AP3B2: variants seen among roughly 807,000 people sequenced by gnomAD.
The protein encoded by AP3B2 is AP-3 complex subunit beta-2.
Under a neutral mutation model 126.9 loss-of-function variants are expected in AP3B2, and 50 were observed. The observed-to-expected ratio is 0.39, with a 90% CI of 0.31 to 0.50. AP3B2 has a LOEUF of 0.50. Ranked by LOEUF, AP3B2 falls within the 20% of genes least tolerant of loss-of-function variation. The pLI is 0.79. For missense variants in AP3B2, 1,177 were observed against 1,426.4 expected (o/e 0.83, Z 2.82); for synonymous variants, 541 against 565.0 (o/e 0.96, Z 0.60).
In AP3B2 at chr15:82,688,245, T is replaced by C. The variant is rs1273527762; in HGVS notation, c.360+491A>G. The stretch of plus-strand genomic sequence containing the variant: ...TGTCTTAGACTAACCAGAAAAGCCC[T>C]TAGGGGGGAGACTTATACATGCACC... On this transcript the variant is annotated intron_variant, in intron 4 of 26. Coordinates refer to ENST00000535359, the MANE Select transcript of AP3B2 (RefSeq NM_001278512.2). 16 of 588,924 alleles carry C rather than the reference T, an allele frequency of 2.7e-5. No individual in the cohort carries two copies. In the East Asian group the frequency reaches 4.4e-4, roughly 16 times the overall value. The allele number at this position is 588,924 out of a possible 1,614,324, so 36.5% of individuals were successfully genotyped here.
Position 82,659,708 on chromosome 15 carries a change from A to G in AP3B2, c.3158T>C (p.Phe1053Ser), listed in dbSNP as rs776670297. 2 of 1,613,830 alleles carry G rather than the reference A, an allele frequency of 1.2e-6. No homozygotes were observed. Among genetic ancestry groups the G allele is most frequent in the Non-Finnish European group, 1.7e-6 (2 of 1,179,812 alleles). ...TCCACCAGTCAGTGTCCTCCCTGCA[A>G]ACCTGAGGTGGGAATAGAAGGGGTG... ...VPCGTSDEYR[F>S]AGRTLTGGSL... The change falls in exon 27 of 27, where the codon TTT becomes TCT. Residue 1053 changes from phenylalanine (F) to serine (S), a missense_variant and splice_region_variant. Transcript: ENST00000535359.
chr15:82,697,570 G>A (rs1025047125), intron 1 of AP3B2, among the ~76,000 whole-genome samples: 2 of 152,210 alleles, frequency 1.3e-5, no homozygotes, highest in Admixed American at 6.5e-5. Context: ...GCAGAAATGC[G>A]TGAGTACCTG....
intron 1 of AP3B2, chr15:82,691,708 T>A: frequency 4.7e-6 from 7 of 1,485,640 alleles, no homozygotes; most frequent in East Asian, 2.5e-5. Context: ...AAAGAAAAAA[T>A]TCCCATCACC....
At chr15:82,679,821 A>C (rs946005567) in intron 9 of AP3B2, 21 bp from the exon 10 acceptor site, 1 of 1,611,472 alleles carries the variant, frequency 6.2e-7, no homozygotes, top group Admixed American at 1.7e-5. Flanking sequence ...AGAGGCAGCT[A>C]GGGAGCTCCA....
At chr15:82,700,467 C>T (rs1013094825) in intron 1 of AP3B2, among the ~76,000 whole-genome samples, 1 of 133,360 alleles carries the variant, frequency 7.5e-6, no homozygotes, top group Non-Finnish European at 1.5e-5. Context: ...GGCGTGATCT[C>T]GGCTCACTGC....
chr15:82,680,000 G>A (rs1470592036), intron 9 of AP3B2, among the ~76,000 whole-genome samples, 175 bp downstream of exon 9: 2 of 152,036 alleles, frequency 1.3e-5, no homozygotes, highest in Non-Finnish European at 2.9e-5. Flanking sequence ...GGCCCCTCAG[G>A]ATCCAGGCCC....
chr15:82,692,858 G>A (rs1027320941), intron 1 of AP3B2: 1 of 151,684 alleles, frequency 6.6e-6, no homozygotes, highest in Non-Finnish European at 1.5e-5. Context: ...GGGTAATGCT[G>A]AGCCAATACA....
intron 1 of AP3B2, among the ~76,000 whole-genome samples, chr15:82,697,185 T>G (rs562528916): frequency 6.6e-6 from 1 of 152,078 alleles, no homozygotes; most frequent in Non-Finnish European, 1.5e-5. Flanking sequence ...TTAAAAAAAA[T>G]TAGCCGGGTG....
chr15:82,683,304 A>G (rs8040293), intron 4 of AP3B2, among the ~76,000 whole-genome samples: 83,680 of 151,592 alleles, frequency 0.55, 23,534 homozygotes, highest in Non-Finnish European at 0.62. Flanking sequence ...TGATCCACCC[A>G]CCTCGGCCAC....
Position 82,664,089 on chromosome 15 carries a change from G to C in AP3B2, c.2262-114C>G, listed in dbSNP as rs937328381. 1.1e-5 allele frequency: 16 copies of C among 1,451,206 alleles called. No homozygotes were observed. In the East Asian group the frequency reaches 2.0e-4, roughly 18 times the overall value. 89.9% of individuals were successfully genotyped at this position (1,451,206 alleles called of 1,614,324 possible). ...TGGTGTGGGGAGCCTGAGCCAGGAGGGTTCACACCTGAGGTCCTATAGCAG... is the reference window on the plus strand; with the variant it reads ...TGGTGTGGGGAGCCTGAGCCAGGAGCGTTCACACCTGAGGTCCTATAGCAG... On this transcript the variant is annotated intron_variant, in intron 19 of 26. Coordinates refer to ENST00000535359, the MANE Select transcript of AP3B2 (RefSeq NM_001278512.2). This position sits in a 1 kb window ranked among gnomAD's most constrained non-coding sequence, Gnocchi z 4.5.
At chr15:82,661,984 C>G in intron 24 of AP3B2, 62 bp from the exon 25 acceptor site, 1 of 1,494,538 alleles carries the variant, frequency 6.7e-7, no homozygotes, top group South Asian at 1.2e-5. Flanking sequence ...TCACTTCCCA[C>G]CCTGTGTAGA....
chr15:82,682,296 G>A (rs757451471), intron 4 of AP3B2, among the ~76,000 whole-genome samples: 2 of 151,810 alleles, frequency 1.3e-5, no homozygotes, highest in East Asian at 1.9e-4. Flanking sequence ...CAAGTGATCC[G>A]CCCACCTCGG....
Position 82,663,947 on chromosome 15 carries a change from T to C in AP3B2, c.2290A>G (p.Lys764Glu). 1 of 1,607,256 alleles carries C rather than the reference T, an allele frequency of 6.2e-7. No homozygotes were observed. The highest frequency in any genetic ancestry group is 8.5e-7 in the Non-Finnish European group (1 of 1,179,800). ...CTCTCTGGCACCTTCTTCTTTGTCT[T>C]CCTCTTACCATCCTCCTCACTCTGT... ...SEQSEEDGKRKTKKKVPERKG... is the reference protein window; with the variant it reads ...SEQSEEDGKRETKKKVPERKG... The change falls in exon 20 of 27, where the codon AAG becomes GAG. Residue 764 changes from lysine (K) to glutamate (E), a missense_variant. Physicochemically the swap from Lys to Glu is moderately conservative, Grantham distance 56 (BLOSUM62 1). Coordinates refer to ENST00000535359, the MANE Select transcript of AP3B2 (RefSeq NM_001278512.2).
At chr15:82,678,336 G>A (rs1431316824) in intron 10 of AP3B2, among the ~76,000 whole-genome samples, 169 bp from the exon 11 acceptor site, 1 of 152,212 alleles carries the variant, frequency 6.6e-6, no homozygotes, top group African/African-American at 2.4e-5. Context: ...TAAAAAGCAA[G>A]AGGACCAGTT....
rs375046440 is a variant in AP3B2 at position 82,662,676 on chromosome 15, A to G, written c.2833+18T>C. ...GCCCAGGAGCCTCCTCCTCCACCCCATCCAAAGCCCTTCGCACCAATTTCG... is the reference window on the plus strand; with the variant it reads ...GCCCAGGAGCCTCCTCCTCCACCCCGTCCAAAGCCCTTCGCACCAATTTCG... On this transcript the variant is annotated intron_variant, in intron 23 of 26. Transcript: ENST00000535359. The G allele has an allele frequency of 5.6e-6, 9 of 1,599,408 alleles. No homozygotes were observed. The African/African-American group carries it at 6.7e-5, about 12-fold the overall frequency.
At chr15:82,679,857 C>G in intron 9 of AP3B2, 57 bp from the exon 10 acceptor site, 1 of 1,475,604 alleles carries the variant, frequency 6.8e-7, no homozygotes, top group Non-Finnish European at 9.5e-7. Flanking sequence ...TGCCTCGCTG[C>G]CCAGAGACAC....
rs1345872713 is a variant in AP3B2 at position 82,688,962 on chromosome 15, C to A, written c.265-131G>T. 4 of 1,002,198 alleles carry A rather than the reference C, an allele frequency of 4.0e-6. No homozygotes were observed. In the Admixed American group the frequency reaches 6.3e-5, roughly 16 times the overall value. 62.1% of individuals were successfully genotyped at this position (1,002,198 alleles called of 1,614,324 possible). On this transcript the variant is annotated intron_variant, in intron 3 of 26. Transcript: ENST00000535359. ...CAAACTCTCCCAGTGGGGGAGAGCA[C>A]CCCTGAGTGTATCCGGGTCCTTTAC...
At chr15:82,689,069 G>A (rs552914795) in intron 3 of AP3B2, 89 bp downstream of exon 3, 1 of 1,476,132 alleles carries the variant, frequency 6.8e-7, no homozygotes, top group East Asian at 2.3e-5. Flanking sequence ...CGGGCCCCCA[G>A]GGGCTAAATC....
rs562949974 is a variant in AP3B2 at position 82,707,870 on chromosome 15, C to T, written c.113+1724G>A. Among the ~76,000 whole-genome samples, 10 of 152,340 alleles carry T rather than the reference C, an allele frequency of 6.6e-5. No homozygotes were observed. The South Asian group carries it at 2.1e-3, about 32-fold the overall frequency. ...TGCCTTCAGCTTAATCTCTCCCACT[C>T]TAGGTTCCCACGCCACCCCAATCCC... On this transcript the variant is annotated intron_variant, in intron 1 of 26. Transcript: ENST00000535359.
Sources: allele counts gnomAD v4.1 joint callset (sites outside exome capture counted in the v4.1 genomes callset), GRCh38; gene constraint gnomAD v4.1.1; non-coding constraint Gnocchi (gnomAD v3.1); transcripts MANE v1.5; gene names NCBI Gene and HGNC (gene_info 2026-07-23, HGNC 2026-07-21).